SDK1: variants seen among roughly 807,000 people sequenced by gnomAD.
SDK1 encodes the protein sidekick cell adhesion molecule 1.
SDK1 carries 157 observed loss-of-function variants against 245.5 expected under a neutral mutation model. That is an observed-to-expected ratio of 0.64 (90% CI 0.56 to 0.73). The LOEUF is 0.73. Ranked by LOEUF, SDK1 falls within the 30% of genes least tolerant of loss-of-function variation. The pLI is 0.00. For synonymous variants in SDK1, 1,647 were observed against 1,278.5 expected, an observed-to-expected ratio of 1.29 and a Z score of -6.15; for missense variants, 3,583 against 3,002.3, an observed-to-expected ratio of 1.19 and a Z score of -4.52.
chr7:3,781,589 G>A (rs1780739766), intron 4 of SDK1, among the ~76,000 whole-genome samples: 1 of 152,136 alleles, frequency 6.6e-6, no homozygotes, highest in African/African-American at 2.4e-5. Context: ...ATGGAGATCT[G>A]TAAAACTGTT....
chr7:3,762,050 A>G (rs955566061), intron 4 of SDK1, among the ~76,000 whole-genome samples: 7 of 152,218 alleles, frequency 4.6e-5, no homozygotes, highest in African/African-American at 1.2e-4. Context: ...ATCTTTAACC[A>G]CAGTTAGCTA....
At chr7:3,951,177 A>T in intron 6 of SDK1, 143 bp downstream of exon 6, 2 of 643,608 alleles carry the variant, frequency 3.1e-6, no homozygotes, top group South Asian at 3.6e-5. Context: ...TGAATACGAG[A>T]TATGGGTAGA....
intron 4 of SDK1, among the ~76,000 whole-genome samples, chr7:3,777,550 C>T (rs529030531): frequency 1.3e-5 from 2 of 152,320 alleles, no homozygotes; most frequent in South Asian, 4.1e-4. Flanking sequence ...CCACAGCATT[C>T]CTCCTGATGT....
intron 25 of SDK1, among the ~76,000 whole-genome samples, chr7:4,115,814 A>G (rs1783669424): frequency 1.3e-5 from 2 of 152,242 alleles, no homozygotes; most frequent in South Asian, 4.1e-4. Context: ...TTTTCAGTAG[A>G]AAAATTAATT....
intron 5 of SDK1, among the ~76,000 whole-genome samples, chr7:3,920,180 A>G (rs1779538036): frequency 6.6e-6 from 1 of 152,198 alleles, no homozygotes; most frequent in African/African-American, 2.4e-5. Flanking sequence ...CAGCAGGGGA[A>G]GATCACGCTG....
chr7:4,232,528 G>C (rs1785862593), intron 40 of SDK1, among the ~76,000 whole-genome samples: 1 of 150,894 alleles, frequency 6.6e-6, no homozygotes, highest in African/African-American at 2.4e-5. Context: ...CACAATCTCA[G>C]CTCAGCTCAC....
chr7:4,037,570 T>C (rs969709984), intron 17 of SDK1, among the ~76,000 whole-genome samples: 2 of 152,158 alleles, frequency 1.3e-5, no homozygotes, highest in African/African-American at 4.8e-5. Context: ...CAGTGGGCCA[T>C]GATTGAAACA....
intron 4 of SDK1, among the ~76,000 whole-genome samples, chr7:3,712,639 T>C (rs190893708): frequency 6.5e-4 from 99 of 152,300 alleles, no homozygotes; most frequent in African/African-American, 2.2e-3. Flanking sequence ...GTTTTAAAGA[T>C]GGATAGGACA....
intron 30 of SDK1, among the ~76,000 whole-genome samples, chr7:4,152,688 G>C (rs1780464759): frequency 6.6e-6 from 1 of 152,198 alleles, no homozygotes; most frequent in South Asian, 2.1e-4. Context: ...TGTCACAGGA[G>C]AATCCCAGGA....
chr7:4,184,339 T>C (rs777135052), intron 35 of SDK1, among the ~76,000 whole-genome samples: 2 of 152,174 alleles, frequency 1.3e-5, no homozygotes, highest in Admixed American at 1.3e-4. Context: ...CACGGGCAAG[T>C]CACTTAACCC....
chr7:3,867,597 G>T (rs1183227558), intron 5 of SDK1, among the ~76,000 whole-genome samples: 1 of 152,114 alleles, frequency 6.6e-6, no homozygotes, highest in Non-Finnish European at 1.5e-5. Flanking sequence ...AAAACCATCA[G>T]ATCTCGTGAG....
chr7:4,069,563 A>G (rs925228534), intron 20 of SDK1, among the ~76,000 whole-genome samples: 1 of 152,138 alleles, frequency 6.6e-6, no homozygotes, highest in Non-Finnish European at 1.5e-5. Context: ...TGCCTGCGGG[A>G]GCCATGGAAT....
At chr7:3,379,307 C>T (rs1009225900) in intron 1 of SDK1, among the ~76,000 whole-genome samples, 9 of 152,100 alleles carry the variant, frequency 5.9e-5, no homozygotes, top group Non-Finnish European at 1.3e-4. Context: ...ACACGTAGTT[C>T]TTGTTCTGTG....
In SDK1 at chr7:3,619,211, G is replaced by C; in HGVS notation, c.430G>C (p.Glu144Gln). The C allele has an allele frequency of 6.2e-7, 1 of 1,612,872 alleles. No homozygotes were observed. Among genetic ancestry groups the C allele is most frequent in the South Asian group, 1.1e-5 (1 of 91,026 alleles). Reference protein sequence around the residue: ...LEFKWMRDDSELTTYSSEYKY... With the variant: ...LEFKWMRDDSQLTTYSSEYKY... ...GTTCAAGTGGATGCGCGATGACAGT[G>C]AGCTCACCACCTACAGCAGCGAATA... Residue 144 changes from glutamate to glutamine, a missense_variant, in exon 2 of 45, where the codon GAG (glutamate) becomes CAG (glutamine). Physicochemically the swap from Glu to Gln is conservative, Grantham distance 29. Transcript: ENST00000404826.
chr7:3,406,776 A>G (rs1198326508), intron 1 of SDK1, among the ~76,000 whole-genome samples: 3 of 152,178 alleles, frequency 2.0e-5, no homozygotes, highest in Non-Finnish European at 2.9e-5. Flanking sequence ...ACATACCCAT[A>G]TATACAGGAG....
chr7:3,418,233 C>G (rs143367848), intron 1 of SDK1, among the ~76,000 whole-genome samples: 1 of 150,936 alleles, frequency 6.6e-6, no homozygotes, highest in African/African-American at 2.4e-5. Flanking sequence ...AGGAGAATTG[C>G]TTGAGCCCGG....
intron 17 of SDK1, among the ~76,000 whole-genome samples, chr7:4,029,010 G>A (rs993347980): frequency 6.6e-6 from 1 of 151,622 alleles, no homozygotes; most frequent in Non-Finnish European, 1.5e-5. Flanking sequence ...GGGTCACGTC[G>A]GGTGTGCTCA....
At chr7:4,108,906 G>A (rs773386600) in intron 22 of SDK1, among the ~76,000 whole-genome samples, 3 of 152,122 alleles carry the variant, frequency 2.0e-5, no homozygotes, top group African/African-American at 7.2e-5. Flanking sequence ...TGGACATTTC[G>A]TAAACTGGAA....
intron 14 of SDK1, among the ~76,000 whole-genome samples, chr7:3,993,443 C>T (rs1266232982): frequency 2.6e-5 from 4 of 152,140 alleles, no homozygotes; most frequent in African/African-American, 9.7e-5. Flanking sequence ...CAGAATCCTT[C>T]ATTCTACTCA....
Sources: gnomAD v4.1 joint callset for allele counts (sites outside exome capture counted in the v4.1 genomes callset) on GRCh38, gnomAD v4.1.1 for gene constraint, MANE v1.5 for transcripts, NCBI Gene and HGNC (gene_info 2026-07-23, HGNC 2026-07-21) for gene names.